The following OR10J1 variants were observed in gnomAD, a reference collection of about 807,000 sequenced individuals.
OR10J1 encodes the protein olfactory receptor 10J1.
For missense variants in OR10J1, 474 were observed against 376.6 expected (o/e 1.26, Z -2.14); for synonymous variants, 202 against 143.8 (o/e 1.40, Z -2.89).
At chr1:159,402,074 G>T in the OR10J1 span, among the ~76,000 whole-genome samples, 1 of 151,950 alleles carries the variant, frequency 6.6e-6, no homozygotes, top group African/African-American at 2.4e-5. Flanking sequence ...CTAAAAATCA[G>T]GGGATAGAAG....
At chr1:159,408,581 A>G in the OR10J1 span, among the ~76,000 whole-genome samples, 1 of 151,836 alleles carries the variant, frequency 6.6e-6, no homozygotes, top group Non-Finnish European at 1.5e-5. Context: ...TAACCTGCAC[A>G]TTGTGCACCT....
the OR10J1 span, among the ~76,000 whole-genome samples, chr1:159,431,425 G>T: frequency 6.6e-6 from 1 of 152,200 alleles, no homozygotes; most frequent in Admixed American, 6.5e-5. Context: ...CCAGGAGTGC[G>T]CCTCACACAG....
At chr1:159,429,842 G>A in the OR10J1 span, among the ~76,000 whole-genome samples, 3 of 152,110 alleles carry the variant, frequency 2.0e-5, no homozygotes, top group African/African-American at 4.8e-5. Flanking sequence ...TTAACTGAAA[G>A]GTCCTGGTAG....
At chr1:159,400,908 A>G in the OR10J1 span, among the ~76,000 whole-genome samples, 220 of 152,148 alleles carry the variant, frequency 1.4e-3, no homozygotes, top group Non-Finnish European at 2.6e-3. Flanking sequence ...AATTTAAATA[A>G]TATCAAGCAT....
At chr1:159,426,224 ATATG>A in the OR10J1 span, among the ~76,000 whole-genome samples, 1 of 151,954 alleles carries the variant, frequency 6.6e-6, no homozygotes, top group African/African-American at 2.4e-5. Flanking sequence ...ATTACAATAA[ATATG>A]AATGGATTAA....
At chr1:159,432,506 G>A in the OR10J1 span, 6 of 445,208 alleles carry the variant, frequency 1.3e-5, no homozygotes, top group Non-Finnish European at 2.0e-5. Context: ...GTGCCGCTCA[G>A]CTCTTTTTCT....
chr1:159,404,776 C>A, the OR10J1 span, among the ~76,000 whole-genome samples: 14 of 152,184 alleles, frequency 9.2e-5, 1 homozygote, highest in South Asian at 2.7e-3. Flanking sequence ...TGTGCCTGGG[C>A]AGATAAATTC....
At chr1:159,431,054 T>C in the OR10J1 span, among the ~76,000 whole-genome samples, 1 of 152,160 alleles carries the variant, frequency 6.6e-6, no homozygotes, top group African/African-American at 2.4e-5. Flanking sequence ...CAAGCCTACA[T>C]TGTGTTTAGA....
chr1:159,426,695 A>C, the OR10J1 span, among the ~76,000 whole-genome samples: 1 of 151,894 alleles, frequency 6.6e-6, no homozygotes, highest in African/African-American at 2.4e-5. Context: ...CTTCATAAAG[A>C]GAATGTTCAC....
upstream of OR10J1, among the ~76,000 whole-genome samples, chr1:159,436,681 A>G (rs1021361556): frequency 6.6e-6 from 1 of 152,056 alleles, no homozygotes; most frequent in Non-Finnish European, 1.5e-5. Flanking sequence ...AAAAAAAAAA[A>G]AAGTATCACT....
upstream of OR10J1, among the ~76,000 whole-genome samples, chr1:159,434,030 T>C (rs75906889): frequency 0.11 from 16,481 of 152,228 alleles, 1,145 homozygotes; most frequent in East Asian, 0.23. Flanking sequence ...GACATCTCCT[T>C]TTGGTACATT....
At chr1:159,417,672 A>G in the OR10J1 span, among the ~76,000 whole-genome samples, 1 of 152,212 alleles carries the variant, frequency 6.6e-6, no homozygotes, top group South Asian at 2.1e-4. Context: ...AAAGACTAAC[A>G]GTAAATTGGT....
the OR10J1 span, among the ~76,000 whole-genome samples, chr1:159,429,460 C>A: frequency 6.6e-6 from 1 of 152,158 alleles, no homozygotes; most frequent in East Asian, 1.9e-4. Flanking sequence ...GAGGCCCTCC[C>A]CATAATGCGA....
chr1:159,427,129 T>A, the OR10J1 span, among the ~76,000 whole-genome samples: 1 of 151,582 alleles, frequency 6.6e-6, no homozygotes, highest in African/African-American at 2.4e-5. Flanking sequence ...GAAACAAAAA[T>A]AAAATTTTAA....
At chr1:159,405,710 T>A in the OR10J1 span, 1 of 694,894 alleles carries the variant, frequency 1.4e-6, no homozygotes, top group Non-Finnish European at 2.5e-6. Context: ...ATGGTGTAGA[T>A]GATGAGGTCA....
chr1:159,432,801 C>CT, the OR10J1 span: 1 of 403,204 alleles, frequency 2.5e-6, no homozygotes, highest in Non-Finnish European at 4.4e-6. Flanking sequence ...GGAGTTATTA[C>CT]TTTGCTCATC....
chr1:159,440,064 C>T lies in OR10J1; in HGVS notation c.273C>T (p.Pro91=). The change falls in exon 1 of 1, where the codon CCC becomes CCT. Residue 91 remains proline, a synonymous_variant. Transcript: ENST00000423932. ...MLSSLVGMSQ[P]ISLAGCATQM... ...CCAGCCTCGTAGGTATGAGCCAGCC[C>T]ATATCATTGGCAGGGTGTGCCACAC... 6.2e-7 allele frequency: 1 copy of T among 1,614,092 alleles called. No individual in the cohort carries two copies. The highest frequency in any genetic ancestry group is 8.5e-7 in the Non-Finnish European group (1 of 1,180,000).
At position 159,440,378 on chromosome 1, in the gene OR10J1, T is replaced by A. The variant is rs1418109527; in HGVS notation, c.587T>A (p.Ile196Asn). Reference sequence around the variant, plus strand: ...TGCATTGACACCACTGTCAATGAAATCCTGACTTTGATTATCAGTGTGCTG... The same window carrying A: ...TGCATTGACACCACTGTCAATGAAAACCTGACTTTGATTATCAGTGTGCTG... ...LSCIDTTVNEILTLIISVLVL... is the reference protein window; with the variant it reads ...LSCIDTTVNENLTLIISVLVL... The change falls in exon 1 of 1, where the codon ATC becomes AAC. Residue 196 changes from isoleucine (I) to asparagine (N), a missense_variant. Transcript: ENST00000423932. 1 of 1,614,190 alleles carries A rather than the reference T, an allele frequency of 6.2e-7. No homozygotes were observed. Among genetic ancestry groups the A allele is most frequent in the African/African-American group, 1.3e-5 (1 of 75,056 alleles).
chr1:159,427,828 T>C, the OR10J1 span, among the ~76,000 whole-genome samples: 1 of 152,194 alleles, frequency 6.6e-6, no homozygotes, highest in East Asian at 1.9e-4. Context: ...AATAGTAAAC[T>C]GAATTCAGCA....
Sources: gnomAD v4.1 joint callset for allele counts (sites outside exome capture counted in the v4.1 genomes callset) on GRCh38, gnomAD v4.1.1 for gene constraint, MANE v1.5 for transcripts, NCBI Gene and HGNC (gene_info 2026-07-23, HGNC 2026-07-21) for gene names.